H1-6: variants seen among roughly 807,000 people sequenced by gnomAD.
H1-6 encodes the protein H1.6 linker histone, cluster member.
For missense variants in H1-6, 538 were observed against 246.5 expected, an observed-to-expected ratio of 2.18 and a Z score of -7.92; for synonymous variants, 225 against 100.1, an observed-to-expected ratio of 2.25 and a Z score of -7.45.
chr6:26,108,111 A>G lies in H1-6; in HGVS notation c.-18T>C. The stretch of plus-strand genomic sequence containing the variant: ...TCAGACATAACAACAGAGAAACGCA[A>G]GATGTAATAACCAGCGAAAAGCATG... On this transcript the variant is annotated 5_prime_UTR_variant, in exon 1 of 1. Coordinates refer to ENST00000338379, the MANE Select transcript of H1-6 (RefSeq NM_005323.4). 1 of 1,610,686 alleles carries G rather than the reference A, an allele frequency of 6.2e-7. No homozygotes were observed. Among genetic ancestry groups the G allele is most frequent in the African/African-American group, 1.3e-5 (1 of 74,886 alleles).
rs1256575997 is a variant in H1-6 at position 26,107,681 on chromosome 6, G to A, written c.413C>T (p.Ser138Phe). 1.2e-5 allele frequency: 19 copies of A among 1,613,990 alleles called. No individual in the cohort carries two copies. The highest frequency in any genetic ancestry group is 1.4e-5 in the Non-Finnish European group (17 of 1,180,034). Reference protein sequence around the residue: ...VSAKTKKLVLSRDSKSPKTAK... With the variant: ...VSAKTKKLVLFRDSKSPKTAK... Reference sequence around the variant, plus strand: ...AGTCTTTGGTGACTTGGAGTCCCTGGATAAAACCAGCTTCTTGGTCTTGGC... The same window carrying A: ...AGTCTTTGGTGACTTGGAGTCCCTGAATAAAACCAGCTTCTTGGTCTTGGC... Residue 138 changes from serine (S) to phenylalanine (F), a missense_variant, in exon 1 of 1, where the codon TCC (serine) becomes TTC (phenylalanine). Coordinates refer to ENST00000338379, the MANE Select transcript of H1-6 (RefSeq NM_005323.4).
chr6:26,107,667 A>C lies in H1-6; in HGVS notation c.427T>G (p.Ser143Ala). The C allele has an allele frequency of 6.2e-7, 1 of 1,613,966 alleles. No homozygotes were observed. The highest frequency in any genetic ancestry group is 8.5e-7 in the Non-Finnish European group (1 of 1,179,976). The change falls in exon 1 of 1, where the codon TCA becomes GCA. Residue 143 changes from serine (S) to alanine (A), a missense_variant. Coordinates refer to ENST00000338379, the MANE Select transcript of H1-6 (RefSeq NM_005323.4). ...KKLVLSRDSK[S>A]PKTAKTNKRA... is the part of the protein sequence containing the mutation. The stretch of plus-strand genomic sequence containing the variant: ...TTATTGGTTTTAGCAGTCTTTGGTG[A>C]CTTGGAGTCCCTGGATAAAACCAGC...
rs778475974 is a variant in H1-6, at chr6:26,107,825, C to A, written c.269G>T (p.Ser90Ile). 6.8e-6 allele frequency: 11 copies of A among 1,614,112 alleles called. No individual in the cohort carries two copies. The highest frequency in any genetic ancestry group is 1.1e-5 in the South Asian group (1 of 91,090). ...NNSRIKLSLK[S>I]LVNKGILVQT... ...CACCAGGATTCCCTTGTTCACTAAG[C>A]TCTTGAGGGACAGTTTGATGCGGCT... The change falls in exon 1 of 1, where the codon AGC (serine) becomes ATC (isoleucine). Residue 90 changes from serine to isoleucine, a missense_variant. Ser to Ile is a moderately radical substitution (Grantham distance 142). Coordinates refer to ENST00000338379, the MANE Select transcript of H1-6 (RefSeq NM_005323.4).
Position 26,107,747 on chromosome 6 carries a change from A to G in H1-6, c.347T>C (p.Ile116Thr). Reference protein sequence around the residue: ...SGSFKLSKKVIPKSTRSKAKK... With the variant: ...SGSFKLSKKVTPKSTRSKAKK... ...AGCCTTGCTTCTGGTAGATTTAGGA[A>G]TCACCTTCTTACTAAGCTTAAAGGA... Residue 116 changes from isoleucine (I) to threonine (T), a missense_variant, in exon 1 of 1, where the codon ATT becomes ACT. Coordinates refer to ENST00000338379, the MANE Select transcript of H1-6 (RefSeq NM_005323.4). The G allele has an allele frequency of 6.2e-7, 1 of 1,614,188 alleles. No homozygotes were observed. Among genetic ancestry groups the G allele is most frequent in the Non-Finnish European group, 8.5e-7 (1 of 1,180,044 alleles).
rs900226866 is a variant in H1-6 at position 26,107,904 on chromosome 6, C to T, written c.190G>A (p.Val64Ile). Residue 64 changes from valine to isoleucine, a missense_variant, in exon 1 of 1, where the codon GTT becomes ATT. Val to Ile is a conservative substitution (Grantham distance 29). Coordinates refer to ENST00000338379, the MANE Select transcript of H1-6 (RefSeq NM_005323.4). Reference sequence around the variant, plus strand: ...GCGGCCAATGCCTTCTTGAGCGCAACCAAAGACATACCTACTCGTTCCTGT... The same window carrying T: ...GCGGCCAATGCCTTCTTGAGCGCAATCAAAGACATACCTACTCGTTCCTGT... ...VSQERVGMSL[V>I]ALKKALAAAG... The T allele has an allele frequency of 6.2e-7, 1 of 1,614,234 alleles. No homozygotes were observed. Among genetic ancestry groups the T allele is most frequent in the Non-Finnish European group, 8.5e-7 (1 of 1,180,048 alleles).
In H1-6 at chr6:26,107,993, C is replaced by T. The variant is rs370154826; in HGVS notation, c.101G>A (p.Ser34Asn). Residue 34 changes from serine (S) to asparagine (N), a missense_variant, in exon 1 of 1, where the codon AGT becomes AAT. Coordinates refer to ENST00000338379, the MANE Select transcript of H1-6 (RefSeq NM_005323.4). ...GAGGTTCGGCACTTTGCGACTTGCA[C>T]TTATCAAGCCAGCCGGCTTCCTCCC... ...KRGRKPAGLISASRKVPNLSV... is the reference protein window; with the variant it reads ...KRGRKPAGLINASRKVPNLSV... 4.8e-5 allele frequency: 77 copies of T among 1,614,232 alleles called. No individual in the cohort carries two copies. The South Asian group carries it at 6.9e-4, about 14-fold the overall frequency.
In H1-6 at chr6:26,108,075, C is replaced by G. The variant is rs368007625; in HGVS notation, c.19G>C (p.Ala7Pro). 6.2e-7 allele frequency: 1 copy of G among 1,614,094 alleles called. No homozygotes were observed. The highest frequency in any genetic ancestry group is 8.5e-7 in the Non-Finnish European group (1 of 1,179,990). The stretch of plus-strand genomic sequence containing the variant: ...GCTACACCAGCACTGGCAGAAGCTG[C>G]AGGCACGGTTTCAGACATAACAACA... MSETVP[A>P]ASASAGVAAM... The change falls in exon 1 of 1, where the codon GCA becomes CCA. Residue 7 changes from alanine to proline, a missense_variant. Coordinates refer to ENST00000338379, the MANE Select transcript of H1-6 (RefSeq NM_005323.4).
chr6:26,107,595 C>T lies in H1-6; in HGVS notation c.499G>A (p.Gly167Arg), dbSNP rs147889373. 8.5e-5 allele frequency: 137 copies of T among 1,614,032 alleles called. No homozygotes were observed. The highest frequency in any genetic ancestry group is 8.2e-4 in the Middle Eastern group (5 of 6,084). Reference sequence around the variant, plus strand: ...CCCTTGGCTCCTTTAGCCTTTCTCCCGCTCCTAACAGTTTTAGGAGTTGTC... The same window carrying T: ...CCCTTGGCTCCTTTAGCCTTTCTCCTGCTCCTAACAGTTTTAGGAGTTGTC... Reference protein sequence around the residue: ...RATTPKTVRSGRKAKGAKGKQ... With the variant: ...RATTPKTVRSRRKAKGAKGKQ... The change falls in exon 1 of 1, where the codon GGG becomes AGG. Residue 167 changes from glycine (G) to arginine (R), a missense_variant. Coordinates refer to ENST00000338379, the MANE Select transcript of H1-6 (RefSeq NM_005323.4).
rs1561950637 is a variant in H1-6, at chr6:26,107,498, T to A, written c.596A>T (p.Asn199Ile). The change falls in exon 1 of 1, where the codon AAT (asparagine) becomes ATT (isoleucine). Residue 199 changes from asparagine to isoleucine, a missense_variant. Asn to Ile is a moderately radical substitution (Grantham distance 149). Coordinates refer to ENST00000338379, the MANE Select transcript of H1-6 (RefSeq NM_005323.4). Reference sequence around the variant, plus strand: ...CTTCTTAGATGTGGCCTTTCTAACATTAACTTCATGATGTTGGGTCAATTT... The same window carrying A: ...CTTCTTAGATGTGGCCTTTCTAACAATAACTTCATGATGTTGGGTCAATTT... Reference protein sequence around the residue: ...KSKLTQHHEVNVRKATSKK With the variant: ...KSKLTQHHEVIVRKATSKK The A allele has an allele frequency of 1.2e-6, 2 of 1,606,040 alleles. No homozygotes were observed. Among genetic ancestry groups the A allele is most frequent in the Non-Finnish European group, 8.5e-7 (1 of 1,177,720 alleles).
Sources: allele counts gnomAD v4.1 joint callset, GRCh38; gene constraint gnomAD v4.1.1; transcripts MANE v1.5; gene names NCBI Gene and HGNC (gene_info 2026-07-23, HGNC 2026-07-21).